The following DLG2 variants were observed in gnomAD, a reference collection of about 807,000 sequenced individuals.
The protein encoded by DLG2 is discs large MAGUK scaffold protein 2.
DLG2 carries 45 observed loss-of-function variants against 132.5 expected under a neutral mutation model. The observed-to-expected ratio is 0.34, with a 90% CI of 0.27 to 0.44. The LOEUF (loss-of-function observed/expected upper bound fraction) is 0.44. DLG2 is among the 20% of genes least tolerant of loss of function. DLG2 has a pLI of 1.00. For synonymous variants in DLG2, 424 were observed against 419.6 expected (o/e 1.01, Z -0.13); for missense variants, 1,045 against 1,196.9 (o/e 0.87, Z 1.87).
intron 10 of DLG2, among the ~76,000 whole-genome samples, chr11:84,060,909 C>T (rs2096581454): frequency 6.6e-6 from 1 of 152,174 alleles, no homozygotes; most frequent in Admixed American, 6.5e-5. Context: ...TTGAAATCAA[C>T]ATCATCTCTC....
chr11:83,560,570 T>C (rs1289110541), intron 19 of DLG2, among the ~76,000 whole-genome samples: 1 of 152,206 alleles, frequency 6.6e-6, no homozygotes, highest in Non-Finnish European at 1.5e-5. Flanking sequence ...CTAAAATGTC[T>C]GTTTCTCAAA....
At chr11:84,071,258 T>A (rs1023684669) in intron 10 of DLG2, among the ~76,000 whole-genome samples, 5 of 152,028 alleles carry the variant, frequency 3.3e-5, no homozygotes, top group South Asian at 2.1e-4. Context: ...CACTGGCTTT[T>A]TTTTTATTTT....
At chr11:84,459,878 A>G (rs181226521) in intron 7 of DLG2, among the ~76,000 whole-genome samples, 22 of 150,736 alleles carry the variant, frequency 1.5e-4, no homozygotes, top group African/African-American at 5.3e-4. Flanking sequence ...TGTTATAATT[A>G]AGTTGTCAGA....
intron 21 of DLG2, among the ~76,000 whole-genome samples, chr11:83,510,409 G>A (rs939195302): frequency 5.9e-5 from 9 of 152,084 alleles, no homozygotes; most frequent in African/African-American, 2.2e-4. Flanking sequence ...AACAAATCAA[G>A]TGCAATAATA....
intron 10 of DLG2, 144 bp downstream of exon 10, chr11:84,098,779 G>A (rs2092112895): frequency 7.4e-6 from 7 of 941,760 alleles, no homozygotes; most frequent in Non-Finnish European, 1.1e-5. Flanking sequence ...CAAAAGATCT[G>A]CAAAGTCATT....
At chr11:84,227,791 G>A (rs968381093) in intron 8 of DLG2, among the ~76,000 whole-genome samples, 2 of 151,880 alleles carry the variant, frequency 1.3e-5, no homozygotes, top group African/African-American at 4.8e-5. Flanking sequence ...GTACACGCCT[G>A]TACACCCAGC....
At chr11:84,457,356 G>A (rs1310436674) in intron 7 of DLG2, among the ~76,000 whole-genome samples, 2 of 150,918 alleles carry the variant, frequency 1.3e-5, no homozygotes, top group African/African-American at 4.8e-5. Flanking sequence ...AATAAAACTT[G>A]TTTAGTGGAA....
intron 4 of DLG2, among the ~76,000 whole-genome samples, chr11:85,197,353 T>C (rs1299274282): frequency 6.6e-6 from 1 of 152,132 alleles, no homozygotes; most frequent in Non-Finnish European, 1.5e-5. Context: ...TAAAGAACAA[T>C]GCACATATTT....
At chr11:85,235,955 A>C (rs2075564351) in intron 4 of DLG2, among the ~76,000 whole-genome samples, 1 of 151,832 alleles carries the variant, frequency 6.6e-6, no homozygotes, top group East Asian at 2.0e-4. Context: ...CTAAAAGGAG[A>C]CTTATTCAGT....
At chr11:84,771,425 C>T (rs1049514536) in intron 6 of DLG2, among the ~76,000 whole-genome samples, 1 of 152,088 alleles carries the variant, frequency 6.6e-6, no homozygotes, top group Non-Finnish European at 1.5e-5. Context: ...TTTTGAAAAG[C>T]GTCTGTTCAT....
chr11:84,716,744 T>C lies in DLG2; in HGVS notation c.358-182013A>G, dbSNP rs1003098704. Among the ~76,000 whole-genome samples the C allele has an allele frequency of 1.0e-4, 15 of 150,736 alleles. 1 individual carries two copies. The highest frequency in any genetic ancestry group is 3.2e-4 in the African/African-American group (13 of 41,128). On this transcript the variant is annotated intron_variant, in intron 6 of 27. Coordinates refer to ENST00000376104, the MANE Select transcript of DLG2 (RefSeq NM_001142699.3). ...AAAAGGTAGGGGGGAACTGATATAA[T>C]AGAAAATCTTTTTTTTTGGAAGAAG... is the stretch of plus-strand genomic sequence containing the variant.
chr11:84,087,623 C>T lies in DLG2; in HGVS notation c.749+11300G>A, dbSNP rs143373651. Reference sequence around the variant, plus strand: ...AGATGAGGTGACTTTCTTGGATTATCCTGGGGTGTCCAATATAATCACAGG... The same window carrying T: ...AGATGAGGTGACTTTCTTGGATTATTCTGGGGTGTCCAATATAATCACAGG... On this transcript the variant is annotated intron_variant, in intron 10 of 27. Transcript: ENST00000376104. Among the ~76,000 whole-genome samples, 132 of 152,132 alleles carry T rather than the reference C, an allele frequency of 8.7e-4. 1 individual carries two copies. The Middle Eastern group carries it at 0.027, about 31-fold the overall frequency.
intron 4 of DLG2, among the ~76,000 whole-genome samples, chr11:85,265,355 A>G (rs770513848): frequency 6.6e-6 from 1 of 152,234 alleles, no homozygotes; most frequent in Non-Finnish European, 1.5e-5. Context: ...CAAAACAATC[A>G]TAAAGGCAAA....
intron 6 of DLG2, among the ~76,000 whole-genome samples, chr11:84,718,007 C>A (rs185184210): frequency 6.6e-6 from 1 of 152,034 alleles, no homozygotes; most frequent in East Asian, 1.9e-4. Context: ...ATATTATTTT[C>A]TGTTGTCATC....
intron 7 of DLG2, among the ~76,000 whole-genome samples, chr11:84,373,249 C>CAAAAAAAAAAACAAAAAAA (rs1459550146): frequency 4.8e-5 from 2 of 41,664 alleles, no homozygotes; most frequent in African/African-American, 2.7e-4. Flanking sequence ...AAGAAACAGT[C>CAAAAAAAAAAACAAAAAAA]AAAAAAAAAA....
chr11:83,753,526 T>C (rs757638555), intron 18 of DLG2, among the ~76,000 whole-genome samples: 55 of 151,512 alleles, frequency 3.6e-4, no homozygotes, highest in Non-Finnish European at 6.8e-4. Context: ...GCATAGTAGA[T>C]GTTTATTTAG....
At position 85,140,445 on chromosome 11, in the gene DLG2, T is replaced by A. The variant is rs1032146171; in HGVS notation, c.282+14111A>T. 2.6e-5 allele frequency among the ~76,000 whole-genome samples: 4 copies of A among 151,926 alleles called. No homozygotes were observed. In the East Asian group the frequency reaches 7.7e-4, roughly 29 times the overall value. On this transcript the variant is annotated intron_variant, in intron 5 of 27. Coordinates refer to ENST00000376104, the MANE Select transcript of DLG2 (RefSeq NM_001142699.3). Reference sequence around the variant, plus strand: ...ATTTGTAACCTATCTTTTTAAAAAATTATGAGTACATGATAGTTATATATA... The same window carrying A: ...ATTTGTAACCTATCTTTTTAAAAAAATATGAGTACATGATAGTTATATATA...
At position 85,356,776 on chromosome 11, in the gene DLG2, G is replaced by GTAGATAGA. The variant is rs58735940; in HGVS notation, c.41-71419_41-71412dup. ...ATGCCCAGAAAGAAACAGTAGGTAA[G>GTAGATAGA]TAGATAGATAGATAGATAGATAGAT... On this transcript the variant is annotated intron_variant, in intron 3 of 27. Transcript: ENST00000376104. Among the ~76,000 whole-genome samples the GTAGATAGA allele has an allele frequency of 6.8e-3, 1,001 of 147,388 alleles. 8 individuals carry two copies. The highest frequency in any genetic ancestry group is 0.01 in the Non-Finnish European group (684 of 66,930).
chr11:85,558,000 C>CAGAG, intron 3 of DLG2, among the ~76,000 whole-genome samples: 1 of 151,848 alleles, frequency 6.6e-6, no homozygotes, highest in Admixed American at 6.6e-5. Context: ...GCAAAAGACA[C>CAGAG]TACAACAGAG....
Sources: allele counts gnomAD v4.1 joint callset (sites outside exome capture counted in the v4.1 genomes callset), GRCh38; gene constraint gnomAD v4.1.1; transcripts MANE v1.5; gene names NCBI Gene and HGNC (gene_info 2026-07-23, HGNC 2026-07-21).